GLIS3: variants seen among roughly 807,000 people sequenced by gnomAD.
The protein encoded by GLIS3 is GLIS family zinc finger 3.
GLIS3 carries 53 observed loss-of-function variants against 78.6 expected under a neutral mutation model. The ratio of observed to expected loss-of-function variants is 0.67; its 90% CI spans 0.54 to 0.85. The LOEUF is 0.85. Among genes scored for constraint, GLIS3 ranks in the 40% least tolerant of loss-of-function variants. The pLI is 0.00. For missense variants in GLIS3, 1,703 were observed against 1,231.1 expected (o/e 1.38, Z -5.74); for synonymous variants, 684 against 509.9 (o/e 1.34, Z -4.60).
intron 9 of GLIS3, among the ~76,000 whole-genome samples, chr9:3,847,522 T>C (rs571459897): frequency 1.3e-5 from 2 of 152,238 alleles, no homozygotes; most frequent in Non-Finnish European, 2.9e-5. Context: ...TCATCAAACA[T>C]AGCACATTAA....
intron 2 of GLIS3, among the ~76,000 whole-genome samples, chr9:4,281,087 G>C (rs184485753): frequency 1.3e-5 from 2 of 152,116 alleles, no homozygotes; most frequent in African/African-American, 4.8e-5. Flanking sequence ...TTAGTCGTTT[G>C]AAAAAATAAT....
chr9:4,384,459 T>C, the GLIS3 span, among the ~76,000 whole-genome samples: 2 of 152,076 alleles, frequency 1.3e-5, no homozygotes, highest in Admixed American at 6.5e-5. Context: ...TGTTTGCCAA[T>C]GGCATTGAAA....
At chr9:4,312,715 C>T (rs920580108) in intron 2 of GLIS3, among the ~76,000 whole-genome samples, 2 of 152,172 alleles carry the variant, frequency 1.3e-5, no homozygotes, top group Middle Eastern at 3.2e-3. Flanking sequence ...CTGCTCACTT[C>T]GTTGTGGCTT....
intron 4 of GLIS3, among the ~76,000 whole-genome samples, chr9:3,961,490 T>C (rs1382657804): frequency 6.6e-6 from 1 of 152,212 alleles, no homozygotes; most frequent in East Asian, 1.9e-4. Flanking sequence ...CATGGGTCTC[T>C]AGTAAGCCAG....
intron 4 of GLIS3, among the ~76,000 whole-genome samples, chr9:4,001,523 A>G (rs114067688): frequency 0.014 from 2,128 of 152,296 alleles, 66 homozygotes; most frequent in African/African-American, 0.049. Flanking sequence ...AATGTTAATG[A>G]AAGTATTCCT....
intron 1 of GLIS3, among the ~76,000 whole-genome samples, chr9:4,288,814 T>C (rs1186066347): frequency 1.3e-5 from 2 of 151,936 alleles, no homozygotes; most frequent in African/African-American, 2.4e-5. Flanking sequence ...ATTAATACCA[T>C]AACGAAAAAA....
chr9:4,150,286 A>C (rs1834569600), intron 2 of GLIS3, among the ~76,000 whole-genome samples: 1 of 152,196 alleles, frequency 6.6e-6, no homozygotes, highest in Non-Finnish European at 1.5e-5. Context: ...ACTGACCTAA[A>C]AGCAGAGTCC....
At chr9:3,858,593 G>C (rs182524799) in intron 8 of GLIS3, among the ~76,000 whole-genome samples, 72 of 152,070 alleles carry the variant, frequency 4.7e-4, no homozygotes, top group African/African-American at 1.7e-3. Context: ...ACAATATAAA[G>C]TTAATATAAT....
intron 9 of GLIS3, among the ~76,000 whole-genome samples, chr9:3,849,208 G>A (rs967125021): frequency 8.5e-5 from 13 of 152,306 alleles, no homozygotes; most frequent in African/African-American, 3.1e-4. Flanking sequence ...ACATGGGGTA[G>A]TCTACCCCGA....
chr9:4,319,455 C>A (rs1817488636), intron 2 of GLIS3, among the ~76,000 whole-genome samples: 2 of 152,060 alleles, frequency 1.3e-5, no homozygotes, highest in Admixed American at 1.3e-4. Flanking sequence ...TGACGTTTTT[C>A]TAAGAAATGA....
At chr9:3,836,487 A>T (rs1818360312) in intron 9 of GLIS3, among the ~76,000 whole-genome samples, 1 of 152,226 alleles carries the variant, frequency 6.6e-6, no homozygotes, top group Non-Finnish European at 1.5e-5. Context: ...ACAGGGACAC[A>T]GAAGATGCAT....
intron 4 of GLIS3, among the ~76,000 whole-genome samples, chr9:4,033,654 A>C (rs539564100): frequency 6.6e-6 from 1 of 152,118 alleles, no homozygotes; most frequent in African/African-American, 2.4e-5. Context: ...CTATTCAATC[A>C]AAATCTCTAG....
chr9:4,025,683 G>C (rs950612298), intron 4 of GLIS3, among the ~76,000 whole-genome samples: 2 of 152,148 alleles, frequency 1.3e-5, no homozygotes, highest in African/African-American at 4.8e-5. Context: ...ACTGTGCCTG[G>C]CCTGGCCCAT....
In GLIS3 at chr9:4,178,619, CCT is replaced by C. The variant is rs528151684; in HGVS notation, c.389-52680_389-52679del. 2.9e-3 allele frequency among the ~76,000 whole-genome samples: 435 copies of C among 152,296 alleles called. 3 individuals carry two copies. Among genetic ancestry groups the C allele is most frequent in the African/African-American group, 0.01 (418 of 41,550 alleles). Reference sequence around the variant, plus strand: ...CAAACACGCAAGTGCAAATATAACCCCTGACATAGCAACCACAGTTTATCATA... The same window carrying C: ...CAAACACGCAAGTGCAAATATAACCCGACATAGCAACCACAGTTTATCATA... On this transcript the variant is annotated intron_variant, in intron 2 of 10. Coordinates refer to ENST00000381971, the MANE Select transcript of GLIS3 (RefSeq NM_001042413.2).
At position 4,105,566 on chromosome 9, in the gene GLIS3, T is replaced by C. The variant is rs147718677; in HGVS notation, c.1710+12202A>G. 8.8e-3 allele frequency among the ~76,000 whole-genome samples: 1,344 copies of C among 152,344 alleles called. 68 individuals carry two copies. Among genetic ancestry groups the C allele is most frequent in the Admixed American group, 0.079 (1,211 of 15,296 alleles). On this transcript the variant is annotated intron_variant, in intron 4 of 10. Coordinates refer to ENST00000381971, the MANE Select transcript of GLIS3 (RefSeq NM_001042413.2). Reference sequence around the variant, plus strand: ...TCATTGACACTGCAAATGGTCAATATGTACTCTTAATTTTAAACTAAATTG... The same window carrying C: ...TCATTGACACTGCAAATGGTCAATACGTACTCTTAATTTTAAACTAAATTG...
intron 8 of GLIS3, among the ~76,000 whole-genome samples, chr9:3,871,681 G>A (rs1157751707): frequency 6.6e-6 from 1 of 152,176 alleles, no homozygotes; most frequent in Non-Finnish European, 1.5e-5. Context: ...AAGTCCCTAG[G>A]CTGCACACAG....
chr9:4,461,869 C>T, the GLIS3 span, among the ~76,000 whole-genome samples: 3 of 152,114 alleles, frequency 2.0e-5, no homozygotes, highest in East Asian at 1.9e-4. Context: ...TCAAGCTCTG[C>T]GATTTCAGAG....
the GLIS3 span, among the ~76,000 whole-genome samples, chr9:4,442,506 T>A: frequency 2.0e-5 from 3 of 152,114 alleles, no homozygotes; most frequent in Non-Finnish European, 4.4e-5. Flanking sequence ...CACGATCAGA[T>A]AATAAGGGAA....
intron 2 of GLIS3, among the ~76,000 whole-genome samples, chr9:4,254,629 C>G (rs550495656): frequency 1.3e-5 from 2 of 152,170 alleles, no homozygotes; most frequent in South Asian, 4.1e-4. Context: ...TACCTGAGGT[C>G]AGGAGTTCAA....
Sources: gnomAD v4.1 joint callset for allele counts (sites outside exome capture counted in the v4.1 genomes callset) on GRCh38, gnomAD v4.1.1 for gene constraint, MANE v1.5 for transcripts, NCBI Gene and HGNC (gene_info 2026-07-23, HGNC 2026-07-21) for gene names.